Variants in CAMK1D observed in about 807,000 individuals in gnomAD.
CAMK1D encodes calcium/calmodulin dependent protein kinase ID, also known as calcium/calmodulin-dependent protein kinase type 1D.
CAMK1D carries 9 observed loss-of-function variants against 47.7 expected under a neutral mutation model. The ratio of observed to expected loss-of-function variants is 0.19; its 90% CI spans 0.11 to 0.33. CAMK1D has a LOEUF of 0.33. Ranked by LOEUF, CAMK1D falls within the 10% of genes least tolerant of loss-of-function variation. The pLI is 1.00. For synonymous variants in CAMK1D, 184 were observed against 184.9 expected (o/e 0.99, Z 0.04); for missense variants, 291 against 488.7 (o/e 0.60, Z 3.81).
intron 1 of CAMK1D, among the ~76,000 whole-genome samples, chr10:12,383,862 G>A (rs190340086): frequency 1.9e-4 from 29 of 152,242 alleles, no homozygotes; most frequent in African/African-American, 5.3e-4. Flanking sequence ...TCTAGCCAGC[G>A]TAGTTAGAAA....
At chr10:12,440,943 A>G (rs1304501178) in intron 1 of CAMK1D, among the ~76,000 whole-genome samples, 1 of 152,264 alleles carries the variant, frequency 6.6e-6, no homozygotes, top group Non-Finnish European at 1.5e-5. Flanking sequence ...AAGTGGGCCA[A>G]AAAGAATTCT....
intron 3 of CAMK1D, among the ~76,000 whole-genome samples, chr10:12,736,877 C>T (rs76402068): frequency 0.015 from 2,354 of 152,302 alleles, 61 homozygotes; most frequent in African/African-American, 0.053. Flanking sequence ...TTCTCTCTCC[C>T]GATCACTCTC....
chr10:12,742,490 T>C (rs1835475829), intron 3 of CAMK1D, among the ~76,000 whole-genome samples: 1 of 152,202 alleles, frequency 6.6e-6, no homozygotes, highest in Admixed American at 6.5e-5. Context: ...AATTGAATGA[T>C]TTTCAGTAAA....
At position 12,605,967 on chromosome 10, in the gene CAMK1D, G is replaced by A. The variant is rs76277744; in HGVS notation, c.224+52611G>A. 7.3e-3 allele frequency among the ~76,000 whole-genome samples: 1,119 copies of A among 152,318 alleles called. 13 individuals carry two copies. The highest frequency in any genetic ancestry group is 0.026 in the African/African-American group (1,063 of 41,578). ...TGGGGTGGAGGGGGCTGGGAGCCAC[G>A]GGGCAGAATTTGGCCGTGAGAGAAG... is the stretch of plus-strand genomic sequence containing the variant. On this transcript the variant is annotated intron_variant, in intron 2 of 10. Transcript: ENST00000619168.
At chr10:12,535,562 C>G (rs1318484220) in intron 1 of CAMK1D, among the ~76,000 whole-genome samples, 1 of 152,160 alleles carries the variant, frequency 6.6e-6, no homozygotes, top group Non-Finnish European at 1.5e-5. Context: ...ATCCAGAAGC[C>G]ATTCCTAGGA....
At chr10:12,764,458 C>A (rs942890850) in intron 4 of CAMK1D, among the ~76,000 whole-genome samples, 1 of 149,438 alleles carries the variant, frequency 6.7e-6, no homozygotes, top group African/African-American at 2.5e-5. Flanking sequence ...AACTGGTCTT[C>A]AAAACAGCAT....
chr10:12,358,808 T>C (rs1837583199), intron 1 of CAMK1D, among the ~76,000 whole-genome samples: 1 of 152,126 alleles, frequency 6.6e-6, no homozygotes, highest in South Asian at 2.1e-4. Flanking sequence ...TAACTGGGAT[T>C]GAATATACAG....
At chr10:12,662,960 TGTTTTC>T (rs1022665508) in intron 2 of CAMK1D, among the ~76,000 whole-genome samples, 3 of 152,168 alleles carry the variant, frequency 2.0e-5, no homozygotes, top group South Asian at 2.1e-4. Context: ...TGTTTGTTTT[TGTTTTC>T]GTTTTTGTTT....
chr10:12,741,566 C>T (rs17152177), intron 3 of CAMK1D, among the ~76,000 whole-genome samples: 10,251 of 152,212 alleles, frequency 0.067, 575 homozygotes, highest in African/African-American at 0.15. Flanking sequence ...TTCAGGGAAC[C>T]TTTTGGTTTT....
chr10:12,713,908 C>T (rs948023711), intron 3 of CAMK1D, among the ~76,000 whole-genome samples: 4 of 152,230 alleles, frequency 2.6e-5, no homozygotes, highest in Non-Finnish European at 5.9e-5. Flanking sequence ...TAAGTAGCAT[C>T]GTCTTTCCCC....
At chr10:12,767,308 G>T (rs1020779723) in intron 4 of CAMK1D, among the ~76,000 whole-genome samples, 7 of 152,120 alleles carry the variant, frequency 4.6e-5, no homozygotes, top group South Asian at 2.1e-4. Context: ...CTCCTGAGTA[G>T]CTGGGATTAC....
chr10:12,600,316 A>T (rs1488438851), intron 2 of CAMK1D, among the ~76,000 whole-genome samples: 1 of 152,050 alleles, frequency 6.6e-6, no homozygotes, highest in East Asian at 1.9e-4. Context: ...CTCAAGGGGG[A>T]CTTCAGAAAC....
At chr10:12,354,503 G>A (rs1238550593) in intron 1 of CAMK1D, among the ~76,000 whole-genome samples, 2 of 150,352 alleles carry the variant, frequency 1.3e-5, no homozygotes, top group East Asian at 2.0e-4. Context: ...TCAGCTCACC[G>A]CAACCTCCGC....
intron 3 of CAMK1D, among the ~76,000 whole-genome samples, chr10:12,737,946 G>A (rs555823057): frequency 5.1e-4 from 77 of 152,242 alleles, no homozygotes; most frequent in African/African-American, 1.8e-3. Context: ...TTCACAAAAT[G>A]TATAATAAGG....
intron 5 of CAMK1D, among the ~76,000 whole-genome samples, chr10:12,784,836 G>A (rs1048022546): frequency 2.0e-5 from 3 of 152,174 alleles, no homozygotes; most frequent in South Asian, 2.1e-4. Flanking sequence ...GGTGTGTGGC[G>A]ACTAGGTTGG....
chr10:12,685,683 G>A (rs1033707673), intron 3 of CAMK1D, among the ~76,000 whole-genome samples: 5 of 152,206 alleles, frequency 3.3e-5, no homozygotes, highest in African/African-American at 1.2e-4. Context: ...TCTCGCTGGT[G>A]ATTCACTGTC....
At chr10:12,441,320 C>T (rs1052799590) in intron 1 of CAMK1D, among the ~76,000 whole-genome samples, 1 of 152,042 alleles carries the variant, frequency 6.6e-6, no homozygotes, top group African/African-American at 2.4e-5. Flanking sequence ...GCCTCAGCCT[C>T]GCAGGTAGCT....
At chr10:12,451,480 A>G (rs1056411451) in intron 1 of CAMK1D, among the ~76,000 whole-genome samples, 9 of 152,230 alleles carry the variant, frequency 5.9e-5, no homozygotes, top group Admixed American at 4.6e-4. Context: ...CCAGGGACCC[A>G]GTGCCCTGGC....
chr10:12,827,177 C>T (rs952542025), intron 10 of CAMK1D, among the ~76,000 whole-genome samples: 2 of 76,702 alleles, frequency 2.6e-5, no homozygotes, highest in African/African-American at 6.9e-5. Flanking sequence ...TTCCCTCTCT[C>T]TTCTCTCTTT....
Sources: gnomAD v4.1 joint callset for allele counts (sites outside exome capture counted in the v4.1 genomes callset) on GRCh38, gnomAD v4.1.1 for gene constraint, MANE v1.5 for transcripts, NCBI Gene and HGNC (gene_info 2026-07-23, HGNC 2026-07-21) for gene names.